MOXD1: variants seen among roughly 807,000 people sequenced by gnomAD.
MOXD1 encodes monooxygenase DBH like 1, also known as DBH-like monooxygenase protein 1.
A neutral mutation model predicts 66.6 loss-of-function variants in MOXD1; 62 were observed. The observed-to-expected ratio is 0.93, with a 90% CI of 0.76 to 1.15. The LOEUF (loss-of-function observed/expected upper bound fraction) is 1.15, where lower values mean the gene tolerates loss of function less well. Ranked by LOEUF, MOXD1 falls within the 50% of genes most tolerant of loss-of-function variation. The pLI is 0.00. For synonymous variants in MOXD1, 303 were observed against 281.9 expected, an observed-to-expected ratio of 1.07 and a Z score of -0.75; for missense variants, 847 against 754.6, an observed-to-expected ratio of 1.12 and a Z score of -1.44.
intron 10 of MOXD1, among the ~76,000 whole-genome samples, chr6:132,306,741 A>T (rs138417138): frequency 0.034 from 5,224 of 152,284 alleles, 139 homozygotes; most frequent in Middle Eastern, 0.061. Flanking sequence ...TTCAACCCAG[A>T]ATTTCATATC....
intron 4 of MOXD1, among the ~76,000 whole-genome samples, chr6:132,367,615 T>G (rs1776173725): frequency 6.6e-6 from 1 of 152,040 alleles, no homozygotes; most frequent in Admixed American, 6.6e-5. Flanking sequence ...CAATGAAAAG[T>G]CATTCAGGGA....
intron 4 of MOXD1, among the ~76,000 whole-genome samples, chr6:132,360,174 T>C (rs1197993745): frequency 6.6e-6 from 1 of 152,244 alleles, no homozygotes; most frequent in African/African-American, 2.4e-5. Flanking sequence ...CCTATTTTTT[T>C]AGTCAATGAA....
intron 4 of MOXD1, among the ~76,000 whole-genome samples, chr6:132,369,238 A>G (rs1404362094): frequency 6.6e-6 from 1 of 152,094 alleles, no homozygotes; most frequent in East Asian, 1.9e-4. Context: ...AAGTCTTTGT[A>G]TAGGCTCAAT....
chr6:132,373,660 C>T (rs1208491493), intron 2 of MOXD1, among the ~76,000 whole-genome samples: 1 of 152,084 alleles, frequency 6.6e-6, no homozygotes, highest in Non-Finnish European at 1.5e-5. Flanking sequence ...ATTGAGCAAC[C>T]AGGAGAGATT....
At chr6:132,336,523 C>T (rs1775443137) in intron 4 of MOXD1, among the ~76,000 whole-genome samples, 1 of 152,148 alleles carries the variant, frequency 6.6e-6, no homozygotes, top group Non-Finnish European at 1.5e-5. Flanking sequence ...CTCTTTTAGC[C>T]TGACAATGTA....
intron 10 of MOXD1, among the ~76,000 whole-genome samples, chr6:132,298,460 A>G (rs1354643907): frequency 6.6e-6 from 1 of 152,182 alleles, no homozygotes; most frequent in Admixed American, 6.5e-5. Context: ...TGTAATCAAG[A>G]AACCTGCAGG....
intron 10 of MOXD1, among the ~76,000 whole-genome samples, chr6:132,302,189 A>C (rs762915234): frequency 9.2e-5 from 14 of 152,192 alleles, no homozygotes; most frequent in Non-Finnish European, 1.9e-4. Context: ...GTATAGAGCT[A>C]GCAGACATTT....
At chr6:132,390,765 G>A (rs1005671170) in intron 1 of MOXD1, 2 of 151,404 alleles carry the variant, frequency 1.3e-5, no homozygotes, top group Admixed American at 6.6e-5. Context: ...GGACTATCAC[G>A]AGAATTGCAT....
chr6:132,328,319 G>T, intron 5 of MOXD1, 96 bp downstream of exon 5: 1 of 1,474,786 alleles, frequency 6.8e-7, no homozygotes, highest in Non-Finnish European at 9.2e-7. Context: ...CAAAAGTAGC[G>T]TTAAAGCTTT....
intron 10 of MOXD1, among the ~76,000 whole-genome samples, chr6:132,312,598 C>CTTTT (rs10710763): frequency 6.8e-6 from 1 of 146,552 alleles, no homozygotes; most frequent in Non-Finnish European, 1.5e-5. Flanking sequence ...GGGTTTTGTC[C>CTTTT]TTTTTTTTTT....
intron 1 of MOXD1, among the ~76,000 whole-genome samples, chr6:132,397,505 C>T (rs1241287302): frequency 6.6e-6 from 1 of 152,010 alleles, no homozygotes; most frequent in Admixed American, 6.6e-5. Context: ...AGATATATCC[C>T]AGCTGAAATT....
chr6:132,384,239 TCTCTTCCTTC>T (rs1241369060), intron 1 of MOXD1, among the ~76,000 whole-genome samples: 4 of 73,242 alleles, frequency 5.5e-5, no homozygotes, highest in Non-Finnish European at 1.1e-4. Flanking sequence ...CCTCCCTCCC[TCTCTTCCTTC>T]CTTCCTTCCT....
chr6:132,353,488 C>G (rs989293823), intron 4 of MOXD1, among the ~76,000 whole-genome samples: 2 of 152,104 alleles, frequency 1.3e-5, no homozygotes, highest in Non-Finnish European at 2.9e-5. Flanking sequence ...GAAGATAAAG[C>G]CTCAATTCCT....
intron 6 of MOXD1, among the ~76,000 whole-genome samples, chr6:132,327,605 C>T (rs1162917301): frequency 2.0e-5 from 3 of 152,106 alleles, no homozygotes; most frequent in Non-Finnish European, 4.4e-5. Context: ...GTTTGCTTAC[C>T]ACACAACAAA....
Position 132,315,793 on chromosome 6 carries a change from T to G in MOXD1, c.1366-16A>C. 1 of 1,612,576 alleles carries G rather than the reference T, an allele frequency of 6.2e-7. No individual in the cohort carries two copies. Among genetic ancestry groups the G allele is most frequent in the Non-Finnish European group, 8.5e-7 (1 of 1,179,140 alleles). On this transcript the variant is annotated splice_polypyrimidine_tract_variant and intron_variant, in intron 9 of 11. Transcript: ENST00000367963. Reference sequence around the variant, plus strand: ...TTAGTCCTCCCTGAAAACAGATAGTTTATTTAGCAAAGTATGTGTTCTACC... The same window carrying G: ...TTAGTCCTCCCTGAAAACAGATAGTGTATTTAGCAAAGTATGTGTTCTACC...
In MOXD1 at chr6:132,374,562, T is replaced by C. The variant is rs1020629792; in HGVS notation, c.411+69A>G. The C allele has an allele frequency of 2.2e-6, 3 of 1,355,864 alleles. No homozygotes were observed. The African/African-American group carries it at 4.4e-5, about 20-fold the overall frequency. 84.0% of individuals were successfully genotyped at this position (1,355,864 alleles called of 1,614,324 possible). On this transcript the variant is annotated intron_variant, in intron 2 of 11. Coordinates refer to ENST00000367963, the MANE Select transcript of MOXD1 (RefSeq NM_015529.4). ...AGACTATATGACTTGTTTCTCTTAT[T>C]CTTTAAAGTGCTTCACAAGTGTAAA...
At chr6:132,304,755 A>G (rs1172963808) in intron 10 of MOXD1, among the ~76,000 whole-genome samples, 4 of 152,262 alleles carry the variant, frequency 2.6e-5, no homozygotes, top group African/African-American at 9.6e-5. Context: ...GAGGCTCAGT[A>G]TCATTAGTCA....
chr6:132,392,216 T>C, intron 1 of MOXD1: 1 of 1,597,584 alleles, frequency 6.3e-7, no homozygotes, highest in Non-Finnish European at 8.5e-7. Context: ...AAGCACTTCC[T>C]CAGCAAGTGG....
intron 1 of MOXD1, among the ~76,000 whole-genome samples, chr6:132,397,911 A>C (rs62424887): frequency 0.029 from 4,384 of 152,284 alleles, 82 homozygotes; most frequent in Middle Eastern, 0.078. Flanking sequence ...TTTAATTTAT[A>C]TAAATGTATG....
Sources: gnomAD v4.1 joint callset for allele counts (sites outside exome capture counted in the v4.1 genomes callset) on GRCh38, gnomAD v4.1.1 for gene constraint, MANE v1.5 for transcripts, NCBI Gene and HGNC (gene_info 2026-07-23, HGNC 2026-07-21) for gene names.